The following SEMA6D variants were observed in gnomAD, a reference collection of about 807,000 sequenced individuals.
SEMA6D encodes semaphorin-6D.
SEMA6D carries 35 observed loss-of-function variants against 106.6 expected under a neutral mutation model. The ratio of observed to expected loss-of-function variants is 0.33; its 90% CI spans 0.25 to 0.44. The LOEUF is 0.44. Ranked by LOEUF, SEMA6D falls within the 20% of genes least tolerant of loss-of-function variation. The pLI is 1.00. For synonymous variants in SEMA6D, 499 were observed against 487.7 expected (o/e 1.02, Z -0.31); for missense variants, 1,185 against 1,345.9 (o/e 0.88, Z 1.87).
chr15:47,611,492 C>CGT (rs1159220032), intron 4 of SEMA6D, among the ~76,000 whole-genome samples: 1 of 151,914 alleles, frequency 6.6e-6, no homozygotes, highest in East Asian at 1.9e-4. Context: ...ATATAACGAA[C>CGT]GTGTGTGTGT....
intron 4 of SEMA6D, among the ~76,000 whole-genome samples, chr15:47,691,240 G>A (rs150570223): frequency 3.3e-4 from 50 of 152,194 alleles, no homozygotes; most frequent in African/African-American, 1.2e-3. Flanking sequence ...GTTTTTCAAA[G>A]CTAGAGTTTC....
chr15:47,211,315 T>G (rs1216311806), intron 1 of SEMA6D, among the ~76,000 whole-genome samples: 1 of 152,194 alleles, frequency 6.6e-6, no homozygotes, highest in Non-Finnish European at 1.5e-5. Flanking sequence ...ATGGATTTAC[T>G]TCATTCTCTT....
intron 3 of SEMA6D, among the ~76,000 whole-genome samples, chr15:47,506,589 CACACACACAA>C (rs938473797): frequency 5.7e-5 from 8 of 141,216 alleles, no homozygotes; most frequent in Admixed American, 1.4e-4. Flanking sequence ...TGGGCATTTA[CACACACACAA>C]ACACACACAC....
intron 1 of SEMA6D, among the ~76,000 whole-genome samples, chr15:47,237,967 T>G (rs542406423): frequency 1.3e-5 from 2 of 152,214 alleles, no homozygotes; most frequent in South Asian, 4.1e-4. Flanking sequence ...TTAAGAAAGG[T>G]CAGCGGTTAC....
intron 1 of SEMA6D, among the ~76,000 whole-genome samples, chr15:47,351,896 A>G (rs2038340460): frequency 6.6e-6 from 1 of 152,226 alleles, no homozygotes; most frequent in African/African-American, 2.4e-5. Context: ...CTGTCATCCA[A>G]ATAAAATGGA....
At chr15:47,342,921 C>T (rs2037880463) in intron 1 of SEMA6D, among the ~76,000 whole-genome samples, 1 of 152,128 alleles carries the variant, frequency 6.6e-6, no homozygotes, top group Admixed American at 6.5e-5. Context: ...CCATGTTGGC[C>T]AAGCTGATCT....
chr15:47,380,464 G>C (rs892777977), intron 1 of SEMA6D: 4 of 152,158 alleles, frequency 2.6e-5, no homozygotes, highest in Admixed American at 2.6e-4. Context: ...TACCTTTACA[G>C]AATTTGTTGG....
intron 1 of SEMA6D, among the ~76,000 whole-genome samples, chr15:47,185,985 TATAA>T (rs1476251505): frequency 6.6e-5 from 10 of 152,160 alleles, no homozygotes; most frequent in Non-Finnish European, 1.2e-4. Flanking sequence ...TGTGTGTATA[TATAA>T]ATATATATGT....
At chr15:47,700,325 A>C (rs972742832) in intron 4 of SEMA6D, among the ~76,000 whole-genome samples, 1 of 152,154 alleles carries the variant, frequency 6.6e-6, no homozygotes, top group Non-Finnish European at 1.5e-5. Flanking sequence ...CAGGAGTTTG[A>C]GACCAGCCTA....
At chr15:47,643,086 A>T (rs940045643) in intron 4 of SEMA6D, among the ~76,000 whole-genome samples, 8 of 152,208 alleles carry the variant, frequency 5.3e-5, no homozygotes, top group African/African-American at 1.4e-4. Flanking sequence ...TACAGCAAGG[A>T]TTCTTCAAGC....
chr15:47,580,952 G>A (rs892215476), intron 3 of SEMA6D, among the ~76,000 whole-genome samples: 5 of 152,128 alleles, frequency 3.3e-5, no homozygotes, highest in Non-Finnish European at 5.9e-5. Flanking sequence ...TATACAGAGT[G>A]GACATACTTA....
intron 1 of SEMA6D, among the ~76,000 whole-genome samples, chr15:47,388,082 T>C (rs1264702559): frequency 6.6e-6 from 1 of 152,154 alleles, no homozygotes; most frequent in Non-Finnish European, 1.5e-5. Context: ...GGAGTGGGGC[T>C]GGGGAGCTCT....
chr15:47,255,019 T>G (rs1218676174), intron 1 of SEMA6D, among the ~76,000 whole-genome samples: 2 of 152,108 alleles, frequency 1.3e-5, no homozygotes, highest in African/African-American at 4.8e-5. Flanking sequence ...AGAATTTGTA[T>G]TAGTTCTTCT....
rs532372893 is a variant in SEMA6D at position 47,634,695 on chromosome 15, G to T, written c.-55+33799G>T. On this transcript the variant is annotated intron_variant, in intron 4 of 19. Transcript: ENST00000558014. ...GCTCAACCCACCACTAGACCTTGCT[G>T]ACACTACCCTGGTGGGGGCAATTGT... is the stretch of plus-strand genomic sequence containing the variant. 7.9e-5 allele frequency among the ~76,000 whole-genome samples: 12 copies of T among 152,158 alleles called. No individual in the cohort carries two copies. In the South Asian group the frequency reaches 8.3e-4, roughly 11 times the overall value.
At chr15:47,745,546 G>A (rs1204605698) in intron 1 of SEMA6D, among the ~76,000 whole-genome samples, 1 of 152,226 alleles carries the variant, frequency 6.6e-6, no homozygotes, top group African/African-American at 2.4e-5. Context: ...TCAATTTAGT[G>A]AAAATTAGGA....
chr15:47,288,012 T>C lies in SEMA6D; in HGVS notation c.-239+103594T>C, dbSNP rs8041009. On this transcript the variant is annotated intron_variant, in intron 1 of 19. Transcript: ENST00000558014. Reference sequence around the variant, plus strand: ...AAAAGAGAGAGACAGAGAGAGAGAGTGCAGCGGGGTGGGGGCACACACTTT... The same window carrying C: ...AAAAGAGAGAGACAGAGAGAGAGAGCGCAGCGGGGTGGGGGCACACACTTT... 5.5e-4 allele frequency among the ~76,000 whole-genome samples: 83 copies of C among 151,666 alleles called. 1 individual carries two copies. The highest frequency in any genetic ancestry group is 1.9e-3 in the African/African-American group (80 of 41,332).
At chr15:47,358,828 A>G (rs184522904) in intron 1 of SEMA6D, among the ~76,000 whole-genome samples, 3 of 152,260 alleles carry the variant, frequency 2.0e-5, no homozygotes, top group East Asian at 3.9e-4. Flanking sequence ...AGATTCAACT[A>G]TTTTATGAGA....
At chr15:47,460,674 AT>A (rs942243823) in intron 2 of SEMA6D, among the ~76,000 whole-genome samples, 3 of 152,088 alleles carry the variant, frequency 2.0e-5, no homozygotes, top group African/African-American at 7.2e-5. Context: ...TGAAAGGGGA[AT>A]GAGGAGTATT....
intron 4 of SEMA6D, chr15:47,605,351 A>G (rs982107827): frequency 3.9e-5 from 6 of 152,224 alleles, no homozygotes; most frequent in Non-Finnish European, 8.8e-5. Context: ...ACAATGAGTG[A>G]TCTGAGACAG....
Sources: gnomAD v4.1 joint callset for allele counts (sites outside exome capture counted in the v4.1 genomes callset) on GRCh38, gnomAD v4.1.1 for gene constraint, MANE v1.5 for transcripts, NCBI Gene and HGNC (gene_info 2026-07-23, HGNC 2026-07-21) for gene names.